Variants in PLEKHG1 observed in about 807,000 individuals in gnomAD.
The protein encoded by PLEKHG1 is pleckstrin homology domain-containing family G member 1.
Under a neutral mutation model 100.8 loss-of-function variants are expected in PLEKHG1, and 44 were observed. That is an observed-to-expected ratio of 0.44 (90% CI 0.34 to 0.56). PLEKHG1 has a LOEUF of 0.56. PLEKHG1 is among the 20% of genes least tolerant of loss of function. PLEKHG1 has a pLI of 0.01. For synonymous variants in PLEKHG1, 640 were observed against 662.5 expected, an observed-to-expected ratio of 0.97 and a Z score of 0.52; for missense variants, 1,545 against 1,720.9, an observed-to-expected ratio of 0.90 and a Z score of 1.81.
chr6:150,830,962 A>G (rs965634314), exon 15 of PLEKHG1: 2 of 1,613,932 alleles, frequency 1.2e-6, no homozygotes, highest in Non-Finnish European at 8.5e-7. Flanking sequence ...AGAGCAACAC[A>G]TGCCCTCCTG....
intron 10 of PLEKHG1, among the ~76,000 whole-genome samples, chr6:150,815,210 A>G (rs150160743): frequency 5.5e-4 from 84 of 152,358 alleles, no homozygotes; most frequent in Middle Eastern, 3.4e-3. Context: ...TTAAACATCA[A>G]GAAATGTATC....
At position 150,690,485 on chromosome 6, in the gene PLEKHG1, G is replaced by C. The variant is rs114450511; in HGVS notation, c.-99+39699G>C. Among the ~76,000 whole-genome samples, 473 of 152,276 alleles carry C rather than the reference G, an allele frequency of 3.1e-3. 2 individuals are homozygous for C. The highest frequency in any genetic ancestry group is 0.011 in the African/African-American group (459 of 41,548). On this transcript the variant is annotated intron_variant, in intron 3 of 3. Coordinates refer to the PLEKHG1 transcript ENST00000367326. ...CGGAACATAGAGGTTTATTTCAGTG[G>C]TTCATAGTTTTCACCTCCAAATATC...
intron 1 of PLEKHG1, among the ~76,000 whole-genome samples, chr6:150,723,508 G>A (rs1227261326): frequency 6.6e-6 from 1 of 152,150 alleles, no homozygotes; most frequent in African/African-American, 2.4e-5. Context: ...TACAAGGAAG[G>A]ATGGACTAGA....
chr6:150,837,274 G>A (rs1294594440), intron 15 of PLEKHG1, among the ~76,000 whole-genome samples: 2 of 152,232 alleles, frequency 1.3e-5, no homozygotes, highest in South Asian at 2.1e-4. Context: ...CAACAGCTAG[G>A]TACACACTAT....
chr6:150,749,510 T>C (rs959927759), intron 2 of PLEKHG1, among the ~76,000 whole-genome samples: 1 of 152,120 alleles, frequency 6.6e-6, no homozygotes, highest in Admixed American at 6.5e-5. Flanking sequence ...CTAGCAGAAA[T>C]ATAGGTAGCC....
intron 2 of PLEKHG1, among the ~76,000 whole-genome samples, chr6:150,765,356 G>A (rs939101926): frequency 6.8e-6 from 1 of 146,374 alleles, no homozygotes; most frequent in Non-Finnish European, 1.5e-5. Flanking sequence ...ACCCAGGCAT[G>A]ATGGCACGTG....
At chr6:150,633,090 G>C (rs1353332232) in intron 1 of PLEKHG1, 5 of 152,210 alleles carry the variant, frequency 3.3e-5, no homozygotes, top group Non-Finnish European at 5.9e-5. Flanking sequence ...TAACAGATTT[G>C]CTCTCCTTTG....
chr6:150,809,488 G>A lies in PLEKHG1; in HGVS notation c.1191+12G>A. 1.2e-6 allele frequency: 2 copies of A among 1,606,396 alleles called. No homozygotes were observed. Among genetic ancestry groups the A allele is most frequent in the South Asian group, 1.1e-5 (1 of 90,934 alleles). On this transcript the variant is annotated intron_variant, in intron 9 of 15. Transcript: ENST00000358517. ...AGCACACAGTCCAGGTAGCAGCCGG[G>A]CCCTGGCCTCTCCGCAAGGCCCCTT...
chr6:150,672,631 A>G (rs1048386485), intron 3 of PLEKHG1, among the ~76,000 whole-genome samples: 5 of 152,256 alleles, frequency 3.3e-5, no homozygotes, highest in African/African-American at 1.2e-4. Context: ...AAAGGAATGG[A>G]AAAAGAAAAA....
intron 15 of PLEKHG1, among the ~76,000 whole-genome samples, chr6:150,833,791 T>TC (rs1777086333): frequency 6.6e-6 from 1 of 152,020 alleles, no homozygotes; most frequent in Non-Finnish European, 1.5e-5. Context: ...ATGAGAGGAG[T>TC]CTATTCTACA....
chr6:150,820,860 A>C (rs1242415355), intron 12 of PLEKHG1, among the ~76,000 whole-genome samples: 1 of 152,158 alleles, frequency 6.6e-6, no homozygotes, highest in Non-Finnish European at 1.5e-5. Context: ...AGTGAATCTC[A>C]GTCTCCAAAA....
At chr6:150,821,208 G>T (rs761700287) in exon 13 of PLEKHG1, 8 of 1,613,226 alleles carry the variant, frequency 5.0e-6, no homozygotes, top group Non-Finnish European at 6.8e-6. Context: ...CTTCCTCACG[G>T]TCACATAAAG....
In PLEKHG1 at chr6:150,630,562, A is replaced by G. The variant is rs538793665; in HGVS notation, c.-203-7518A>G. Reference sequence around the variant, plus strand: ...CATTTTCTGAGGTTGTGAATATGGGAAAAGCAGGTTAGCAACGGGGAGAAA... The same window carrying G: ...CATTTTCTGAGGTTGTGAATATGGGGAAAGCAGGTTAGCAACGGGGAGAAA... On this transcript the variant is annotated intron_variant, in intron 1 of 3. Coordinates refer to the PLEKHG1 transcript ENST00000367326. 3.3e-5 allele frequency among the ~76,000 whole-genome samples: 5 copies of G among 152,312 alleles called. No homozygotes were observed. In the South Asian group the frequency reaches 1.0e-3, roughly 32 times the overall value.
chr6:150,826,420 T>G (rs1433862395), intron 14 of PLEKHG1, among the ~76,000 whole-genome samples: 2 of 152,156 alleles, frequency 1.3e-5, no homozygotes, highest in Non-Finnish European at 2.9e-5. Flanking sequence ...ATTGTGCCAC[T>G]GTACTTTAGC....
chr6:150,678,085 T>TAC, intron 3 of PLEKHG1, among the ~76,000 whole-genome samples: 1 of 141,250 alleles, frequency 7.1e-6, no homozygotes, highest in African/African-American at 2.6e-5. Flanking sequence ...TATATATATA[T>TAC]ATATATATAT....
intron 1 of PLEKHG1, among the ~76,000 whole-genome samples, chr6:150,620,602 T>C (rs57941088): frequency 0.018 from 2,727 of 152,310 alleles, 70 homozygotes; most frequent in African/African-American, 0.063. Context: ...TCTTTTAAAT[T>C]GCCAGATCTT....
chr6:150,768,003 CTA>C (rs1001126117), intron 2 of PLEKHG1, among the ~76,000 whole-genome samples: 3 of 152,112 alleles, frequency 2.0e-5, no homozygotes, highest in African/African-American at 7.2e-5. Context: ...AACTTCTAAG[CTA>C]TGTCAGTTTA....
chr6:150,748,111 G>T (rs1783265580), intron 2 of PLEKHG1, among the ~76,000 whole-genome samples: 1 of 152,178 alleles, frequency 6.6e-6, no homozygotes. Context: ...ACTAATTGAG[G>T]TATCCCATAT....
chr6:150,743,366 CA>C (rs374106898), intron 2 of PLEKHG1, among the ~76,000 whole-genome samples: 9 of 149,006 alleles, frequency 6.0e-5, no homozygotes, highest in Admixed American at 1.3e-4. Context: ...ACTAAAAATC[CA>C]AAAAAAAAAT....
Sources: gnomAD v4.1 joint callset for allele counts (sites outside exome capture counted in the v4.1 genomes callset) on GRCh38, gnomAD v4.1.1 for gene constraint, MANE v1.5 for transcripts, NCBI Gene and HGNC (gene_info 2026-07-23, HGNC 2026-07-21) for gene names.